The following CALD1 variants were observed in gnomAD, a reference collection of about 807,000 sequenced individuals.
CALD1 encodes caldesmon 1, also known as caldesmon.
A neutral mutation model predicts 99.9 loss-of-function variants in CALD1; 33 were observed. That is an observed-to-expected ratio of 0.33 (90% CI 0.25 to 0.44). The LOEUF is 0.44. CALD1 is among the 20% of genes least tolerant of loss of function. CALD1 has a pLI of 1.00. For synonymous variants in CALD1, 310 were observed against 325.0 expected, an observed-to-expected ratio of 0.95 and a Z score of 0.50; for missense variants, 861 against 962.1, an observed-to-expected ratio of 0.89 and a Z score of 1.39.
chr7:134,948,580 C>G (rs1392474154), intron 8 of CALD1, among the ~76,000 whole-genome samples: 3 of 152,054 alleles, frequency 2.0e-5, no homozygotes, highest in Non-Finnish European at 4.4e-5. Context: ...TTTGAAGATT[C>G]TTGACTAATA....
chr7:134,870,223 T>C (rs1233026356), intron 3 of CALD1, among the ~76,000 whole-genome samples: 3 of 151,780 alleles, frequency 2.0e-5, no homozygotes, highest in African/African-American at 7.3e-5. Context: ...CAGGCCAGGG[T>C]GTAGGGGCAG....
chr7:134,891,834 T>C (rs1045735072), intron 3 of CALD1, among the ~76,000 whole-genome samples: 4 of 150,798 alleles, frequency 2.7e-5, no homozygotes, highest in Admixed American at 1.3e-4. Flanking sequence ...TGTGTGAGTT[T>C]CAGACCTGTC....
chr7:134,816,724 G>A (rs10261237), intron 1 of CALD1, among the ~76,000 whole-genome samples: 6,715 of 152,188 alleles, frequency 0.044, 481 homozygotes, highest in African/African-American at 0.15. Flanking sequence ...AGTGAACTGT[G>A]CCATCATAGG....
At chr7:134,786,673 A>T (rs957431238) in intron 1 of CALD1, among the ~76,000 whole-genome samples, 1 of 152,214 alleles carries the variant, frequency 6.6e-6, no homozygotes, top group Non-Finnish European at 1.5e-5. Flanking sequence ...TGAAATAACA[A>T]ACCAAGTGAC....
intron 1 of CALD1, among the ~76,000 whole-genome samples, chr7:134,827,756 C>T (rs1253788041): frequency 6.6e-6 from 1 of 152,160 alleles, no homozygotes; most frequent in South Asian, 2.1e-4. Flanking sequence ...GGAGGGTCCA[C>T]GATGGACTGA....
At chr7:134,719,961 G>C in the CALD1 span, among the ~76,000 whole-genome samples, 28 of 152,038 alleles carry the variant, frequency 1.8e-4, 2 homozygotes, top group South Asian at 4.1e-3. Context: ...CAACTCAGTT[G>C]TACTTTGAGC....
At chr7:134,964,472 T>C (rs1808518529) in intron 13 of CALD1, among the ~76,000 whole-genome samples, 1 of 152,130 alleles carries the variant, frequency 6.6e-6, no homozygotes, top group Non-Finnish European at 1.5e-5. Flanking sequence ...GAAAATAATA[T>C]TGCACCAACA....
intron 3 of CALD1, among the ~76,000 whole-genome samples, chr7:134,880,968 A>G (rs982304682): frequency 6.6e-6 from 1 of 152,162 alleles, no homozygotes; most frequent in African/African-American, 2.4e-5. Context: ...CAAATCCTTT[A>G]GTCCCTAAGT....
At chr7:134,770,748 C>T (rs1384025266) in intron 1 of CALD1, among the ~76,000 whole-genome samples, 2 of 152,140 alleles carry the variant, frequency 1.3e-5, no homozygotes, top group Non-Finnish European at 2.9e-5. Context: ...GGGCACTGCT[C>T]AACCCACTGC....
the CALD1 span, among the ~76,000 whole-genome samples, chr7:134,721,203 G>A: frequency 6.6e-6 from 1 of 152,150 alleles, no homozygotes; most frequent in Non-Finnish European, 1.5e-5. Context: ...GTTCCCCTTA[G>A]GGGTGCAAGA....
chr7:134,757,803 C>T (rs577151601), intron 1 of CALD1, among the ~76,000 whole-genome samples: 145 of 151,972 alleles, frequency 9.5e-4, no homozygotes, highest in Non-Finnish European at 1.7e-3. Context: ...TGCTTGAACC[C>T]GGGAGGCAGA....
intron 3 of CALD1, among the ~76,000 whole-genome samples, chr7:134,871,618 G>A (rs1263954788): frequency 6.6e-6 from 1 of 152,154 alleles, no homozygotes; most frequent in Non-Finnish European, 1.5e-5. Flanking sequence ...TATTAGAGAT[G>A]ACCCACAGCC....
the CALD1 span, among the ~76,000 whole-genome samples, chr7:134,733,043 T>C: frequency 1.3e-5 from 2 of 152,206 alleles, no homozygotes; most frequent in South Asian, 4.1e-4. Context: ...CACATCTCAC[T>C]CCTATTGGGA....
chr7:134,792,487 T>A (rs575857793), intron 1 of CALD1, among the ~76,000 whole-genome samples: 2 of 152,208 alleles, frequency 1.3e-5, no homozygotes, highest in East Asian at 1.9e-4. Context: ...AGACAAGGTT[T>A]TGCCATGTTG....
At chr7:134,729,706 C>T in the CALD1 span, among the ~76,000 whole-genome samples, 1 of 152,220 alleles carries the variant, frequency 6.6e-6, no homozygotes, top group Non-Finnish European at 1.5e-5. Flanking sequence ...CCAATAAAAC[C>T]AGCAGATTCT....
chr7:134,731,941 T>C, the CALD1 span, among the ~76,000 whole-genome samples: 1 of 152,214 alleles, frequency 6.6e-6, no homozygotes, highest in Non-Finnish European at 1.5e-5. Flanking sequence ...TTTCTATTCA[T>C]CAAAATTTTT....
At chr7:134,781,610 A>AGC (rs10679903) in intron 1 of CALD1, among the ~76,000 whole-genome samples, 108,918 of 151,934 alleles carry the variant, frequency 0.72, 39,725 homozygotes, top group East Asian at 1. Flanking sequence ...GCACAATGAA[A>AGC]ACAGTAACTT....
the CALD1 span, among the ~76,000 whole-genome samples, chr7:134,729,795 G>A: frequency 1.3e-5 from 2 of 152,242 alleles, no homozygotes. Context: ...TGCTTAAGGA[G>A]GTGGAGAATT....
intron 8 of CALD1, among the ~76,000 whole-genome samples, chr7:134,948,887 T>C (rs976067131): frequency 2.7e-4 from 41 of 152,088 alleles, no homozygotes; most frequent in Non-Finnish European, 4.4e-4. Context: ...TTTTTATTGT[T>C]TTTTTAGACA....
Sources: gnomAD v4.1 joint callset for allele counts (sites outside exome capture counted in the v4.1 genomes callset) on GRCh38, gnomAD v4.1.1 for gene constraint, MANE v1.5 for transcripts, NCBI Gene and HGNC (gene_info 2026-07-23, HGNC 2026-07-21) for gene names.